Variants in TENM4 observed in about 807,000 individuals in gnomAD.
TENM4 encodes teneurin-4.
A neutral mutation model predicts 243.3 loss-of-function variants in TENM4; 82 were observed. The ratio of observed to expected loss-of-function variants is 0.34; its 90% CI spans 0.28 to 0.40. The LOEUF (loss-of-function observed/expected upper bound fraction) is 0.40, where lower values mean the gene tolerates loss of function less well. Ranked by LOEUF, TENM4 falls within the 10% of genes least tolerant of loss-of-function variation. The probability of loss-of-function intolerance (pLI) is 1.00; values close to 1 mark genes in which losing one functional copy is unlikely to be tolerated. For missense variants in TENM4, 3,138 were observed against 3,673.3 expected (o/e 0.85, Z 3.77); for synonymous variants, 1,412 against 1,456.3 (o/e 0.97, Z 0.69).
intron 4 of TENM4, among the ~76,000 whole-genome samples, chr11:79,135,585 A>G (rs1862091195): frequency 6.6e-6 from 1 of 151,352 alleles, no homozygotes; most frequent in South Asian, 2.1e-4. Flanking sequence ...CAATTGCAAA[A>G]TTGTAGAACC....
intron 1 of TENM4, among the ~76,000 whole-genome samples, chr11:79,388,116 G>C (rs1858155268): frequency 1.3e-5 from 2 of 152,200 alleles, no homozygotes; most frequent in Non-Finnish European, 2.9e-5. Context: ...TATATGGAAG[G>C]AGACAGTTGC....
chr11:78,799,006 C>G (rs1857224342), intron 15 of TENM4, among the ~76,000 whole-genome samples: 1 of 152,110 alleles, frequency 6.6e-6, no homozygotes, highest in Admixed American at 6.5e-5. Flanking sequence ...CAGTGAATGC[C>G]CAGCACACAG....
intron 6 of TENM4, among the ~76,000 whole-genome samples, chr11:79,003,621 G>T (rs1384994054): frequency 6.6e-6 from 1 of 152,146 alleles, no homozygotes; most frequent in African/African-American, 2.4e-5. Flanking sequence ...GCTACCATGA[G>T]ACCTGCCTTA....
chr11:78,911,579 T>C (rs566204751), intron 6 of TENM4, among the ~76,000 whole-genome samples: 3 of 152,340 alleles, frequency 2.0e-5, no homozygotes, highest in Admixed American at 6.5e-5. Flanking sequence ...CCAATTCATA[T>C]ATTGATGGCA....
intron 3 of TENM4, among the ~76,000 whole-genome samples, chr11:79,175,643 G>A (rs1487001961): frequency 6.6e-6 from 1 of 152,180 alleles, no homozygotes; most frequent in African/African-American, 2.4e-5. Context: ...AAACTTGTGT[G>A]TATATTTACA....
intron 29 of TENM4, among the ~76,000 whole-genome samples, 153 bp downstream of exon 29, chr11:78,687,901 G>T (rs1318413082): frequency 1.3e-5 from 2 of 152,150 alleles, no homozygotes; most frequent in Admixed American, 6.5e-5. Context: ...ACTCAGGCTG[G>T]TATATTTTGC....
intron 6 of TENM4, among the ~76,000 whole-genome samples, chr11:79,055,485 G>T (rs1859919341): frequency 6.6e-6 from 1 of 152,084 alleles, no homozygotes; most frequent in Non-Finnish European, 1.5e-5. Context: ...CAAGTGATCT[G>T]CCTGTCTCGG....
intron 2 of TENM4, among the ~76,000 whole-genome samples, chr11:79,218,140 C>G (rs1207149241): frequency 6.6e-6 from 1 of 152,140 alleles, no homozygotes; most frequent in African/African-American, 2.4e-5. Flanking sequence ...TAGGATATGA[C>G]TATCATTTTA....
At position 79,148,242 on chromosome 11, in the gene TENM4, C is replaced by T. The variant is rs74724847; in HGVS notation, c.-66+468G>A. Among the ~76,000 whole-genome samples the T allele has an allele frequency of 7.0e-3, 1,071 of 152,228 alleles. 12 individuals carry two copies. The highest frequency in any genetic ancestry group is 0.024 in the African/African-American group (1,014 of 41,554). ...AGAAAAGATCTTGAGGAGGGACATGCTGTTTACATTCACCTATTTTAGGAT... is the reference window on the plus strand; with the variant it reads ...AGAAAAGATCTTGAGGAGGGACATGTTGTTTACATTCACCTATTTTAGGAT... On this transcript the variant is annotated intron_variant, in intron 4 of 33. Coordinates refer to ENST00000278550, the MANE Select transcript of TENM4 (RefSeq NM_001098816.3).
intron 29 of TENM4, among the ~76,000 whole-genome samples, chr11:78,687,777 G>A (rs1249037043): frequency 6.6e-6 from 1 of 152,154 alleles, no homozygotes; most frequent in Non-Finnish European, 1.5e-5. Flanking sequence ...CATTAGGATG[G>A]CAGAATAGCG....
intron 4 of TENM4, among the ~76,000 whole-genome samples, chr11:79,086,307 C>T (rs1483071513): frequency 3.9e-5 from 6 of 152,222 alleles, no homozygotes; most frequent in East Asian, 3.9e-4. Context: ...CCAACCAACA[C>T]CCGGTAGATT....
At chr11:78,990,795 T>C (rs549551301) in intron 6 of TENM4, among the ~76,000 whole-genome samples, 1 of 152,338 alleles carries the variant, frequency 6.6e-6, no homozygotes, top group African/African-American at 2.4e-5. Flanking sequence ...ACTTTTATAA[T>C]AAAAATCATA....
intron 1 of TENM4, among the ~76,000 whole-genome samples, chr11:79,371,206 C>T (rs1382719819): frequency 1.3e-5 from 2 of 152,204 alleles, no homozygotes; most frequent in Non-Finnish European, 2.9e-5. Context: ...AGTGTGAGTG[C>T]AGATTGGGGT....
intron 6 of TENM4, among the ~76,000 whole-genome samples, chr11:78,946,113 A>G (rs1256886011): frequency 6.6e-6 from 1 of 152,260 alleles, no homozygotes; most frequent in Non-Finnish European, 1.5e-5. Context: ...TTCTATTGGA[A>G]GAAGATGTCA....
intron 1 of TENM4, among the ~76,000 whole-genome samples, chr11:79,437,428 G>C (rs1003597045): frequency 1.3e-5 from 2 of 152,138 alleles, no homozygotes; most frequent in African/African-American, 4.8e-5. Context: ...AGGCGCGGCC[G>C]GGACCCTGCA....
chr11:78,784,610 A>G (rs1157328323), intron 16 of TENM4, among the ~76,000 whole-genome samples: 1 of 152,164 alleles, frequency 6.6e-6, no homozygotes, highest in Non-Finnish European at 1.5e-5. Flanking sequence ...GTCCTATGAC[A>G]TTTCTTTGGT....
intron 6 of TENM4, among the ~76,000 whole-genome samples, chr11:78,952,661 T>C (rs985130029): frequency 6.6e-6 from 1 of 152,216 alleles, no homozygotes; most frequent in African/African-American, 2.4e-5. Flanking sequence ...CAACTTTAGT[T>C]TTGATGAGAT....
intron 15 of TENM4, among the ~76,000 whole-genome samples, chr11:78,797,249 A>G (rs1456031977): frequency 3.3e-5 from 5 of 152,222 alleles, no homozygotes; most frequent in Non-Finnish European, 5.9e-5. Context: ...ACCATCTGCA[A>G]TGTCAGAGGT....
chr11:78,839,250 A>G (rs1382228407), intron 12 of TENM4, among the ~76,000 whole-genome samples: 1 of 152,166 alleles, frequency 6.6e-6, no homozygotes, highest in Admixed American at 6.5e-5. Flanking sequence ...TTATAAATTG[A>G]CATATTTAGA....
Sources: gnomAD v4.1 joint callset for allele counts (sites outside exome capture counted in the v4.1 genomes callset) on GRCh38, gnomAD v4.1.1 for gene constraint, MANE v1.5 for transcripts, NCBI Gene and HGNC (gene_info 2026-07-23, HGNC 2026-07-21) for gene names.